The following ATP5F1A variants were observed in gnomAD, a reference collection of about 807,000 sequenced individuals.
ATP5F1A encodes the protein ATP synthase F(1) complex subunit alpha, mitochondrial.
In ATP5F1A, 24 loss-of-function variants were observed where a neutral mutation model predicts 57.4. The observed-to-expected ratio is 0.42, with a 90% CI of 0.30 to 0.59. The LOEUF is 0.59. ATP5F1A is among the 20% of genes least tolerant of loss of function. The pLI is 0.19. For synonymous variants in ATP5F1A, 251 were observed against 255.5 expected (o/e 0.98, Z 0.17); for missense variants, 494 against 707.9 (o/e 0.70, Z 3.43).
At position 46,090,224 on chromosome 18, in the gene ATP5F1A, T is replaced by C. The variant is rs1800637; in HGVS notation, c.310-228A>G. On this transcript the variant is annotated intron_variant, in intron 3 of 11. Coordinates refer to ENST00000398752, the MANE Select transcript of ATP5F1A (RefSeq NM_004046.6). The stretch of plus-strand genomic sequence containing the variant: ...GGACAGCACATTGATAAGCCTAATA[T>C]GCTCACTATCATATCCTCAAATAAC... 0.39 allele frequency among the ~76,000 whole-genome samples: 58,673 copies of C among 152,100 alleles called. 11,700 individuals carry two copies. The highest frequency in any genetic ancestry group is 0.53 in the Middle Eastern group (155 of 294).
rs1364809596 is a variant in ATP5F1A, at chr18:46,089,698, C to A, written c.518G>T (p.Gly173Val). The stretch of plus-strand genomic sequence containing the variant: ...AGGAATGATACCGGGGGCTTTCAGA[C>A]CAACTCGCCTACGCGTCTTGGAACC... ...PIGSKTRRRV[G>V]LKAPGIIPRI... Residue 173 changes from glycine (G) to valine (V), a missense_variant, in exon 5 of 12, where the codon GGT becomes GTT. By Grantham distance (109) the Gly-to-Val change is moderately radical. This residue lies in a region of ATP5F1A where 191 missense variants were observed against 267.7 expected (regional missense o/e 0.71). Coordinates refer to ENST00000398752, the MANE Select transcript of ATP5F1A (RefSeq NM_004046.6). The A allele has an allele frequency of 6.2e-7, 1 of 1,613,950 alleles. No individual in the cohort carries two copies. The highest frequency in any genetic ancestry group is 2.2e-5 in the East Asian group (1 of 44,896).
chr18:46,098,739 GCC>G (rs1911167704), upstream of ATP5F1A, among the ~76,000 whole-genome samples: 1 of 152,146 alleles, frequency 6.6e-6, no homozygotes, highest in African/African-American at 2.4e-5. Flanking sequence ...CCAGCAGGGA[GCC>G]TCCCACGGAG....
intron 1 of ATP5F1A, among the ~76,000 whole-genome samples, chr18:46,095,859 T>G (rs1277695012): frequency 7.0e-6 from 1 of 142,400 alleles, no homozygotes; most frequent in East Asian, 5.0e-4. Flanking sequence ...AATATATATT[T>G]ACTGGGCAGT....
chr18:46,087,448 C>T lies in ATP5F1A; in HGVS notation c.844G>A (p.Ala282Thr). The T allele has an allele frequency of 6.2e-7, 1 of 1,614,210 alleles. No individual in the cohort carries two copies. The change falls in exon 7 of 12, where the codon GCT (alanine) becomes ACT (threonine). Residue 282 changes from alanine to threonine, a missense_variant. By Grantham distance (58) the Ala-to-Thr change is moderately conservative. Around this residue, in one of 6 missense-constraint regions of ATP5F1A, gnomAD observed 191 missense variants for 267.7 expected, o/e 0.71. Transcript: ENST00000398752. ...GGAGCCAGGTACTGAAGTGGGGCAG[C>T]ATCCGAGGCCGTAGCCGACACCACA... ...TIVVSATASD[A>T]APLQYLAPYS...
At chr18:46,094,125 G>C (rs1487841100) in intron 2 of ATP5F1A, among the ~76,000 whole-genome samples, 1 of 150,456 alleles carries the variant, frequency 6.6e-6, no homozygotes, top group Non-Finnish European at 1.5e-5. Context: ...AAAGAAAAAA[G>C]AAAAACATAT....
rs573578462 is a variant in ATP5F1A, at chr18:46,098,194, G to C, written c.38C>G (p.Ala13Gly). ...SVRVAAAVVRALPRRAGLVSR... is the reference protein window; with the variant it reads ...SVRVAAAVVRGLPRRAGLVSR... The stretch of plus-strand genomic sequence containing the variant: ...CACCAGTCCGGCCCGCCGAGGAAGG[G>C]CGCGGACCACGGCCGCAGCAACGCG... The change falls in exon 1 of 12, where the codon GCC becomes GGC. Residue 13 changes from alanine (A) to glycine (G), a missense_variant. Ala to Gly is a moderately conservative substitution (Grantham distance 60). Around this residue, in one of 6 missense-constraint regions of ATP5F1A, gnomAD observed 142 missense variants for 137.5 expected, o/e 1.03. Coordinates refer to ENST00000398752, the MANE Select transcript of ATP5F1A (RefSeq NM_004046.6). The C allele has an allele frequency of 2.9e-5, 47 of 1,606,298 alleles. 1 individual carries two copies. In the African/African-American group the frequency reaches 5.2e-4, roughly 18 times the overall value.
At chr18:46,089,369 T>C in intron 5 of ATP5F1A, 197 bp downstream of exon 5, 1 of 628,578 alleles carries the variant, frequency 1.6e-6, no homozygotes, top group South Asian at 2.1e-5. Flanking sequence ...CCGACTGAGC[T>C]AGCTCGTCCC....
At position 46,095,116 on chromosome 18, in the gene ATP5F1A, A is replaced by C. The variant is rs550057616; in HGVS notation, c.76T>G (p.Leu26Val). The C allele has an allele frequency of 2.4e-5, 38 of 1,613,470 alleles. No individual in the cohort carries two copies. Among genetic ancestry groups the C allele is most frequent in the Non-Finnish European group, 3.1e-5 (37 of 1,179,888 alleles). Residue 26 changes from leucine (L) to valine (V), a missense_variant, in exon 2 of 12, where the codon TTG becomes GTG. Coordinates refer to ENST00000398752, the MANE Select transcript of ATP5F1A (RefSeq NM_004046.6). ...RRAGLVSRNA[L>V]GSSFIAARNF... is the part of the protein sequence containing the mutation. ...CTTGCAGCAATGAAAGATGAACCCA[A>C]AGCATTTCTGGAGACCTAGTGCAAA...
At chr18:46,097,928 T>C in intron 1 of ATP5F1A, 1 of 1,250,422 alleles carries the variant, frequency 8.0e-7, no homozygotes, top group Non-Finnish European at 1.0e-6. Context: ...AAGACAGGAA[T>C]CTTGAGGCCC....
At chr18:46,094,977 C>T (rs1254420152) in intron 2 of ATP5F1A, 76 bp downstream of exon 2, 2 of 1,458,974 alleles carry the variant, frequency 1.4e-6, no homozygotes, top group Non-Finnish European at 1.8e-6. Context: ...AAAAACAACT[C>T]ACCACAGTTA....
rs1228300277 is a variant in ATP5F1A, at chr18:46,094,665, C to CA, written c.139+387dup. On this transcript the variant is annotated intron_variant, in intron 2 of 11. Transcript: ENST00000398752. ...CTGGCGACAGAGCAAGATTCTGTCT[C>CA]AAAAAAAAAGAAAACGAATAAGAAA... is the stretch of plus-strand genomic sequence containing the variant. 2.1e-3 allele frequency: 323 copies of CA among 151,330 alleles called. 2 individuals are homozygous for CA. Among genetic ancestry groups the CA allele is most frequent in the Middle Eastern group, 6.8e-3 (2 of 296 alleles). The allele number at this position is 151,330 out of a possible 1,614,324, so 9.4% of individuals were successfully genotyped here. A position where few individuals can be genotyped will look rare whatever the true frequency, so the allele number is the denominator to read the frequency against.
In ATP5F1A at chr18:46,082,246, T is replaced by C. The variant is rs35360831; in HGVS notation, c.*2036A>G. 5,307 of 145,584 alleles carry C rather than the reference T, an allele frequency of 0.036. 520 individuals are homozygous for C. In the East Asian group the frequency reaches 0.39, roughly 11 times the overall value. The allele number at this position is 145,584 out of a possible 1,614,324, so 9.0% of individuals were successfully genotyped here. Reference sequence around the variant, plus strand: ...AAAATACAAAAAAAAAAAAATTAGCTGGGCGTGATGGCAGGCGCCTGTAGT... The same window carrying C: ...AAAATACAAAAAAAAAAAAATTAGCCGGGCGTGATGGCAGGCGCCTGTAGT... On this transcript the variant is annotated 3_prime_UTR_variant, in exon 12 of 12. Coordinates refer to ENST00000398752, the MANE Select transcript of ATP5F1A (RefSeq NM_004046.6).
intron 5 of ATP5F1A, 115 bp from the exon 6 acceptor site, chr18:46,088,372 G>A: frequency 9.9e-7 from 1 of 1,010,348 alleles, no homozygotes; most frequent in Non-Finnish European, 1.4e-6. Flanking sequence ...GAAGACATAA[G>A]AAACTCCATT....
chr18:46,096,760 T>C (rs2144218874), intron 1 of ATP5F1A, among the ~76,000 whole-genome samples: 1 of 150,878 alleles, frequency 6.6e-6, no homozygotes, highest in East Asian at 2.1e-4. Context: ...GGCGAGCGGA[T>C]CACCTGACGT....
intron 6 of ATP5F1A, 97 bp downstream of exon 6, chr18:46,088,012 A>G: frequency 7.4e-7 from 1 of 1,353,536 alleles, no homozygotes. Context: ...CCCATTAGGA[A>G]GTAATTAAAA....
chr18:46,103,445 CA>C (rs1280220511), intron 1 of ATP5F1A, among the ~76,000 whole-genome samples: 79 of 149,594 alleles, frequency 5.3e-4, no homozygotes, highest in Non-Finnish European at 4.1e-4. Flanking sequence ...TACTAAGATA[CA>C]AAAAATTAGC....
chr18:46,094,932 G>A (rs1910830174), intron 2 of ATP5F1A, 121 bp downstream of exon 2: 2 of 1,316,522 alleles, frequency 1.5e-6, no homozygotes, highest in African/African-American at 1.5e-5. Context: ...AAGAACCTGA[G>A]AGTCTATACA....
chr18:46,094,186 C>CACACACACACACATAT (rs140950200), intron 2 of ATP5F1A, among the ~76,000 whole-genome samples: 2 of 150,982 alleles, frequency 1.3e-5, no homozygotes, highest in African/African-American at 4.9e-5. Flanking sequence ...CACACACACA[C>CACACACACACACATAT]ATATACACAC....
Position 46,082,387 on chromosome 18 carries a change from CA to C in ATP5F1A, c.*1894del, listed in dbSNP as rs34936471. The C allele has an allele frequency of 0.2, 22,154 of 111,650 alleles. 1,857 individuals carry two copies. Among genetic ancestry groups the C allele is most frequent in the East Asian group, 0.45 (1,393 of 3,062 alleles). The allele number at this position is 111,650 out of a possible 1,614,324, so 6.9% of individuals were successfully genotyped here. A position where few individuals can be genotyped will look rare whatever the true frequency, so the allele number is the denominator to read the frequency against. ...CCTGGGAGACAGTGAGACTCCGTCT[CA>C]AAAAAAAAAAAAAAAGGCCAGGTGT... On this transcript the variant is annotated 3_prime_UTR_variant, in exon 12 of 12. Transcript: ENST00000398752.
Sources: gnomAD v4.1 joint callset for allele counts (sites outside exome capture counted in the v4.1 genomes callset) on GRCh38, gnomAD v4.1.1 for gene constraint, gnomAD v4.1.1 regional missense constraint, MANE v1.5 for transcripts, NCBI Gene and HGNC (gene_info 2026-07-23, HGNC 2026-07-21) for gene names.